ZFX: variants seen among roughly 807,000 people sequenced by gnomAD.
ZFX encodes zinc finger X-chromosomal protein.
For missense variants in ZFX, 362 were observed against 628.3 expected, an observed-to-expected ratio of 0.58 and a Z score of 4.53; for synonymous variants, 196 against 226.8, an observed-to-expected ratio of 0.86 and a Z score of 1.22.
At chrX:24,171,446 T>TG (rs1362205850) in intron 3 of ZFX, among the ~76,000 whole-genome samples, 2 of 110,595 alleles carry the variant, frequency 1.8e-5, no homozygotes, top group Non-Finnish European at 3.8e-5. Context: ...GAGATGATGA[T>TG]GGGAAGGTAG....
chrX:24,150,187 G>A (rs1374857852), intron 1 of ZFX: 1 of 101,617 alleles, frequency 9.8e-6, no homozygotes, highest in Non-Finnish European at 2.0e-5. Context: ...GGTGAGGGGG[G>A]GGGAGGGACG....
chrX:24,204,360 G>T (rs1323025679), intron 5 of ZFX, among the ~76,000 whole-genome samples: 1 of 112,163 alleles, frequency 8.9e-6, no homozygotes, highest in Non-Finnish European at 1.9e-5. Flanking sequence ...TTGATGTTCT[G>T]TGTAAGAATT....
At chrX:24,203,972 C>T (rs953261476) in intron 5 of ZFX, among the ~76,000 whole-genome samples, 4 of 112,170 alleles carry the variant, frequency 3.6e-5, no homozygotes, top group Non-Finnish European at 7.5e-5. Context: ...TCATAAATGA[C>T]CTTCATTTCA....
intron 5 of ZFX, among the ~76,000 whole-genome samples, chrX:24,193,758 A>C (rs1208184059): frequency 8.9e-6 from 1 of 111,954 alleles, no homozygotes; most frequent in Non-Finnish European, 1.9e-5. Flanking sequence ...TAGTTGTGGA[A>C]TTGTGGCAAA....
chrX:24,164,002 A>G (rs1933742716), intron 3 of ZFX, among the ~76,000 whole-genome samples: 1 of 97,069 alleles, frequency 1.0e-5, no homozygotes, highest in African/African-American at 3.8e-5. Flanking sequence ...TTCAAATTGT[A>G]TATGTTTGTG....
At chrX:24,151,531 T>TG (rs1310859663) in intron 1 of ZFX, 160 bp from the exon 2 acceptor site, 1 of 111,491 alleles carries the variant, frequency 9.0e-6, no homozygotes, top group Non-Finnish European at 1.9e-5. Context: ...AGGGGAGTGG[T>TG]GGGAATTCAG....
At position 24,187,293 on chromosome X, in the gene ZFX, C is replaced by A. The variant is rs952517958; in HGVS notation, c.646+7523C>A. ...TATTCCAAAGTGTCCACTCTTAATT[C>A]TCTTATTGGCCCCCCCTTTCTCTCT... is the stretch of plus-strand genomic sequence containing the variant. On this transcript the variant is annotated intron_variant, in intron 5 of 9. Transcript: ENST00000304543. Among the ~76,000 whole-genome samples the A allele has an allele frequency of 2.7e-5, 3 of 111,430 alleles. No homozygotes were observed. In the East Asian group the frequency reaches 8.4e-4, roughly 31 times the overall value.
rs113848646 is a variant in ZFX at position 24,191,714 on chromosome X, TC to T, written c.646+11946del. On this transcript the variant is annotated intron_variant, in intron 5 of 9. Transcript: ENST00000304543. The stretch of plus-strand genomic sequence containing the variant: ...TATCTTCATTGGATTTTTTTTTTTT[TC>T]CGAGATGGAGTCTTGTTCTGTCCCC... Among the ~76,000 whole-genome samples, 626 of 108,998 alleles carry T rather than the reference TC, an allele frequency of 5.7e-3. 3 individuals are homozygous for T. The highest frequency in any genetic ancestry group is 0.019 in the African/African-American group (582 of 29,922). 94.7% of individuals were successfully genotyped at this position (108,998 alleles called of 115,157 possible).
chrX:24,156,576 G>A (rs1408637361), intron 3 of ZFX, among the ~76,000 whole-genome samples: 7 of 109,318 alleles, frequency 6.4e-5, no homozygotes, highest in Admixed American at 5.9e-4. Context: ...TCCCACATAT[G>A]TATCTGTTTT....
At chrX:24,171,334 A>T (rs1475560977) in intron 3 of ZFX, among the ~76,000 whole-genome samples, 1 of 110,797 alleles carries the variant, frequency 9.0e-6, no homozygotes, top group African/African-American at 3.3e-5. Context: ...TTTTATGGGG[A>T]TGTTGAGCAT....
chrX:24,195,329 G>T (rs1300325257), intron 5 of ZFX, among the ~76,000 whole-genome samples: 2 of 107,277 alleles, frequency 1.9e-5, no homozygotes, highest in Non-Finnish European at 3.8e-5. Flanking sequence ...GAGTACCTGG[G>T]ATTACAGGTG....
chrX:24,151,209 A>G (rs1932075832), intron 1 of ZFX, among the ~76,000 whole-genome samples: 1 of 112,353 alleles, frequency 8.9e-6, no homozygotes, highest in Admixed American at 9.4e-5. Context: ...AAGAAACATT[A>G]AAAAGGTTCT....
intron 5 of ZFX, among the ~76,000 whole-genome samples, chrX:24,186,239 G>A (rs1936102749): frequency 9.0e-6 from 1 of 111,149 alleles, no homozygotes. Flanking sequence ...TAAGTTACTG[G>A]ATCTGAGTGT....
At position 24,210,935 on chromosome X, in the gene ZFX, C is replaced by G; in HGVS notation, c.1977C>G (p.Asp659Glu). 8.3e-7 allele frequency: 1 copy of G among 1,211,779 alleles called. No individual in the cohort carries two copies. ...ACATAATTTCAGTTCACACGAAAGA[C>G]TACCCCCATAAGTGTGACATGTGTG... ...KRHIISVHTK[D>E]YPHKCDMCDK... The change falls in exon 10 of 10, where the codon GAC (aspartate) becomes GAG (glutamate). Residue 659 changes from aspartate to glutamate, a missense_variant. Asp to Glu is a conservative substitution (Grantham distance 45, BLOSUM62 2). Coordinates refer to ENST00000304543, the MANE Select transcript of ZFX (RefSeq NM_003410.4).
intron 5 of ZFX, among the ~76,000 whole-genome samples, chrX:24,191,942 C>A (rs1434607586): frequency 1.8e-5 from 2 of 111,171 alleles, no homozygotes; most frequent in African/African-American, 6.6e-5. Flanking sequence ...TCAGGTGATC[C>A]ACCCATCTTG....
intron 5 of ZFX, among the ~76,000 whole-genome samples, chrX:24,199,071 G>A (rs1320235445): frequency 9.0e-6 from 1 of 111,008 alleles, no homozygotes; most frequent in Non-Finnish European, 1.9e-5. Context: ...CATGGTCTTG[G>A]TTAGTGAGGT....
intron 1 of ZFX, chrX:24,150,863 A>G (rs1228540089): frequency 8.9e-6 from 1 of 112,955 alleles, no homozygotes; most frequent in Non-Finnish European, 1.9e-5. Context: ...CTATAGGGAA[A>G]AAAATTGCAC....
chrX:24,211,294 A>C lies in ZFX; in HGVS notation c.2336A>C (p.Glu779Ala). Residue 779 changes from glutamate to alanine, a missense_variant, in exon 10 of 10, where the codon GAG becomes GCG. Physicochemically the swap from Glu to Ala is moderately radical, Grantham distance 107. Transcript: ENST00000304543. ...IHTKDYPHRC[E>A]YCKKGFRRPS... is the part of the protein sequence containing the mutation. ...ACGAAAGACTATCCTCACCGGTGTGAGTACTGCAAGAAAGGCTTCCGAAGA... is the reference window on the plus strand; with the variant it reads ...ACGAAAGACTATCCTCACCGGTGTGCGTACTGCAAGAAAGGCTTCCGAAGA... 7 of 1,212,160 alleles carry C rather than the reference A, an allele frequency of 5.8e-6. No individual in the cohort carries two copies. The highest frequency in any genetic ancestry group is 7.8e-6 in the Non-Finnish European group (7 of 895,641).
chrX:24,189,079 C>T (rs1250851546), intron 5 of ZFX, among the ~76,000 whole-genome samples: 5 of 111,999 alleles, frequency 4.5e-5, no homozygotes, highest in African/African-American at 6.5e-5. Flanking sequence ...CCTCGTGATC[C>T]GCCTGCCTCG....
Sources: gnomAD v4.1 joint callset for allele counts (sites outside exome capture counted in the v4.1 genomes callset) on GRCh38, gnomAD v4.1.1 for gene constraint, MANE v1.5 for transcripts, NCBI Gene and HGNC (gene_info 2026-07-23, HGNC 2026-07-21) for gene names.